BAIAP2: variants seen among roughly 807,000 people sequenced by gnomAD.
BAIAP2 encodes the protein BAR/IMD domain containing adaptor protein 2.
A neutral mutation model predicts 63.0 loss-of-function variants in BAIAP2; 18 were observed. That is an observed-to-expected ratio of 0.29 (90% CI 0.20 to 0.42). The LOEUF is 0.42. Ranked by LOEUF, BAIAP2 falls within the 10% of genes least tolerant of loss-of-function variation. The pLI is 1.00. For missense variants in BAIAP2, 610 were observed against 734.3 expected (o/e 0.83, Z 1.96); for synonymous variants, 386 against 307.6 (o/e 1.25, Z -2.67).
chr17:81,108,428 C>T, intron 12 of BAIAP2, 47 bp from the exon 13 acceptor site: 3 of 1,605,570 alleles, frequency 1.9e-6, no homozygotes, highest in Non-Finnish European at 2.6e-6. Context: ...TGGGGGTGAC[C>T]ACAGGCCCCG....
At chr17:81,110,955 A>C (rs1043624558) in intron 13 of BAIAP2, 17 of 1,613,598 alleles carry the variant, frequency 1.1e-5, no homozygotes, top group Non-Finnish European at 1.4e-5. Context: ...GCCTGACTAG[A>C]GTTAGTAAGT....
chr17:81,116,822 A>G lies in BAIAP2; in HGVS notation c.*983A>G, dbSNP rs914309743. ...CTTACCTGGCTGGGGAGGTGTCTCC[A>G]GCAGAGCTCACTCCCGCCTACAGCC... On this transcript the variant is annotated 3_prime_UTR_variant, in exon 14 of 14. Coordinates refer to ENST00000428708, the MANE Select transcript of BAIAP2 (RefSeq NM_001144888.2). The G allele has an allele frequency of 1.9e-5, 3 of 158,504 alleles. No individual in the cohort carries two copies. Among genetic ancestry groups the G allele is most frequent in the African/African-American group, 7.2e-5 (3 of 41,774 alleles). 9.8% of individuals were successfully genotyped at this position (158,504 alleles called of 1,614,324 possible).
intron 3 of BAIAP2, among the ~76,000 whole-genome samples, chr17:81,072,608 C>T (rs926282098): frequency 6.6e-6 from 1 of 152,214 alleles, no homozygotes; most frequent in Non-Finnish European, 1.5e-5. Flanking sequence ...CCTGGGAGAG[C>T]TCTGGCAGGT....
chr17:81,107,251 C>T, intron 12 of BAIAP2: 2 of 264,604 alleles, frequency 7.6e-6, no homozygotes, highest in Non-Finnish European at 1.4e-5. Flanking sequence ...CTGGACGCCG[C>T]CGCCTTTTGG....
At chr17:81,098,978 A>ATCCCCCCCG (rs2058095522) in intron 6 of BAIAP2, among the ~76,000 whole-genome samples, 1 of 16,348 alleles carries the variant, frequency 6.1e-5, no homozygotes. Flanking sequence ...CCATCCCCCC[A>ATCCCCCCCG]TCCCCCCATC....
At position 81,102,625 on chromosome 17, in the gene BAIAP2, G is replaced by A. The variant is rs758641325; in HGVS notation, c.643-877G>A. On this transcript the variant is annotated intron_variant, in intron 7 of 13. Transcript: ENST00000428708. ...CCCTGGTCTGAGCCAGCAGCAGAGG[G>A]GTAGGGGTGGCATGGGGAGGACTTG... Among the ~76,000 whole-genome samples, 97 of 152,360 alleles carry A rather than the reference G, an allele frequency of 6.4e-4. 1 individual carries two copies. The highest frequency in any genetic ancestry group is 1.2e-3 in the African/African-American group (50 of 41,580).
chr17:81,069,925 GGGTTTTTTGTTTTCTT>G (rs2052274411), intron 3 of BAIAP2, among the ~76,000 whole-genome samples: 4 of 152,120 alleles, frequency 2.6e-5, no homozygotes, highest in Admixed American at 2.6e-4. Flanking sequence ...GAAGATTGGA[GGGTTTTTTGTTTTCTT>G]GGTTTTTTGT....
At chr17:81,071,832 T>G (rs926156096) in intron 3 of BAIAP2, among the ~76,000 whole-genome samples, 3 of 152,244 alleles carry the variant, frequency 2.0e-5, no homozygotes, top group Non-Finnish European at 4.4e-5. Flanking sequence ...ATTGGAGCAG[T>G]TCCCACGCCA....
At chr17:81,055,918 C>A (rs184049842) in intron 2 of BAIAP2, among the ~76,000 whole-genome samples, 1 of 152,094 alleles carries the variant, frequency 6.6e-6, no homozygotes, top group Non-Finnish European at 1.5e-5. Flanking sequence ...CAGTGACCCC[C>A]GTCCCCCAGC....
In BAIAP2 at chr17:81,039,740, G is replaced by C. The variant is rs530840803; in HGVS notation, c.54+4432G>C. Among the ~76,000 whole-genome samples, 19 of 152,274 alleles carry C rather than the reference G, an allele frequency of 1.2e-4. No homozygotes were observed. In the South Asian group the frequency reaches 3.9e-3, roughly 32 times the overall value. The stretch of plus-strand genomic sequence containing the variant: ...CTTGTCTTCGACTGAAGCTTCCAAA[G>C]GTGGAGACCTGAGGGCCAAGACCTG... On this transcript the variant is annotated intron_variant, in intron 1 of 13. Transcript: ENST00000428708.
At chr17:81,039,372 A>G (rs2046773446) in intron 1 of BAIAP2, among the ~76,000 whole-genome samples, 5 of 152,184 alleles carry the variant, frequency 3.3e-5, no homozygotes, top group Non-Finnish European at 7.3e-5. Context: ...TGCTGGCTCC[A>G]GGTGGCGTCC....
At chr17:81,109,759 G>T in intron 13 of BAIAP2, 1 of 985,468 alleles carries the variant, frequency 1.0e-6, no homozygotes, top group Non-Finnish European at 1.2e-6. Flanking sequence ...TCGGGGGCAG[G>T]CGCTGCCCAG....
At position 81,086,430 on chromosome 17, in the gene BAIAP2, G is replaced by T; in HGVS notation, c.352-13G>T. ...ATGGGCCTTGGTTTTGTGTTTTATT[G>T]TTTGAATCTCAGGCTGCGCTGAAGA... On this transcript the variant is annotated splice_polypyrimidine_tract_variant and intron_variant, in intron 5 of 13. Transcript: ENST00000428708. The T allele has an allele frequency of 1.2e-6, 2 of 1,613,338 alleles. No homozygotes were observed. The highest frequency in any genetic ancestry group is 1.7e-6 in the Non-Finnish European group (2 of 1,179,470).
intron 4 of BAIAP2, chr17:81,085,165 C>T (rs943054842): frequency 1.8e-6 from 1 of 553,070 alleles, no homozygotes; most frequent in African/African-American, 1.9e-5. Flanking sequence ...CAGCCCCAGC[C>T]AGACCCCACT....
At chr17:81,054,514 G>A (rs1164652696) in intron 2 of BAIAP2, among the ~76,000 whole-genome samples, 1 of 152,194 alleles carries the variant, frequency 6.6e-6, no homozygotes, top group Non-Finnish European at 1.5e-5. Flanking sequence ...GCACGCCCCT[G>A]CCTGTGCGGG....
chr17:81,093,078 CCTGGGCTGGGCTGGG>C (rs6146169), intron 6 of BAIAP2, among the ~76,000 whole-genome samples: 34,774 of 147,410 alleles, frequency 0.24, 4,278 homozygotes, highest in Non-Finnish European at 0.26. Flanking sequence ...CCACCCACTC[CCTGGGCTGGGCTGGG>C]CTGGGCTGGG....
chr17:81,111,768 C>T (rs553009673), intron 13 of BAIAP2, among the ~76,000 whole-genome samples: 1 of 152,332 alleles, frequency 6.6e-6, no homozygotes, highest in South Asian at 2.1e-4. Flanking sequence ...TCATAGGGGG[C>T]CCTTGCCCAC....
chr17:81,089,718 G>C (rs1454962787), intron 6 of BAIAP2, among the ~76,000 whole-genome samples: 2 of 152,200 alleles, frequency 1.3e-5, no homozygotes, highest in Non-Finnish European at 2.9e-5. Context: ...GGTCAGGAAT[G>C]AGGGCAGCAT....
At chr17:81,096,209 C>A (rs986915059) in intron 6 of BAIAP2, among the ~76,000 whole-genome samples, 13 of 152,202 alleles carry the variant, frequency 8.5e-5, no homozygotes, top group Admixed American at 2.6e-4. Flanking sequence ...GCCTCAGTTT[C>A]TTTTGCCAGG....
Sources: allele counts gnomAD v4.1 joint callset (sites outside exome capture counted in the v4.1 genomes callset), GRCh38; gene constraint gnomAD v4.1.1; transcripts MANE v1.5; gene names NCBI Gene and HGNC (gene_info 2026-07-23, HGNC 2026-07-21).